NPSR1: variants seen among roughly 807,000 people sequenced by gnomAD.
NPSR1 encodes neuropeptide S receptor.
Under a neutral mutation model 46.9 loss-of-function variants are expected in NPSR1, and 48 were observed. The observed-to-expected ratio is 1.02, with a 90% confidence interval of 0.81 to 1.30. NPSR1 has a LOEUF of 1.30. NPSR1 is among the 50% of genes most tolerant of loss of function. NPSR1 has a pLI of 0.00. For synonymous variants in NPSR1, 176 were observed against 168.1 expected, an observed-to-expected ratio of 1.05 and a Z score of -0.36; for missense variants, 450 against 449.5, an observed-to-expected ratio of 1.00 and a Z score of -0.01.
intron 2 of NPSR1, among the ~76,000 whole-genome samples, chr7:34,777,721 A>T (rs973485915): frequency 1.3e-5 from 2 of 152,106 alleles, no homozygotes; most frequent in African/African-American, 2.4e-5. Context: ...GTGATAAATT[A>T]GTGATGTCTG....
intron 1 of NPSR1, among the ~76,000 whole-genome samples, chr7:34,669,136 A>G (rs1013670023): frequency 6.6e-6 from 1 of 152,252 alleles, no homozygotes; most frequent in Non-Finnish European, 1.5e-5. Flanking sequence ...AAGTTGTTCC[A>G]CAGAACTCTA....
chr7:34,735,868 T>C (rs1405978266), intron 2 of NPSR1, among the ~76,000 whole-genome samples: 8 of 152,164 alleles, frequency 5.3e-5, no homozygotes, highest in Non-Finnish European at 1.2e-4. Flanking sequence ...TAATATTATG[T>C]TCCATTAAAA....
chr7:34,755,966 T>G (rs1217537814), intron 2 of NPSR1, among the ~76,000 whole-genome samples: 1 of 152,190 alleles, frequency 6.6e-6, no homozygotes, highest in Admixed American at 6.5e-5. Flanking sequence ...GTTAAATAAC[T>G]TGTGCAAAAC....
downstream of NPSR1, among the ~76,000 whole-genome samples, chr7:34,854,167 C>T (rs6462581): frequency 0.27 from 40,629 of 151,854 alleles, 5,779 homozygotes; most frequent in Middle Eastern, 0.34. Context: ...CAAAAACATA[C>T]ATCTTTCAGA....
intron 2 of NPSR1, among the ~76,000 whole-genome samples, chr7:34,742,137 C>G (rs1211296417): frequency 6.6e-6 from 1 of 151,270 alleles, no homozygotes; most frequent in Admixed American, 6.6e-5. Context: ...CATCATCTCA[C>G]AAATTATAAT....
chr7:34,781,235 T>C (rs565814295), intron 3 of NPSR1, among the ~76,000 whole-genome samples: 28 of 152,124 alleles, frequency 1.8e-4, no homozygotes, highest in Non-Finnish European at 3.7e-4. Flanking sequence ...CTGCAATGAA[T>C]GGGGGAATTA....
intron 2 of NPSR1, chr7:34,750,328 TA>T: frequency 1.4e-6 from 1 of 710,790 alleles, no homozygotes. Context: ...TCATCTAGGC[TA>T]AAAAATCTTC....
At chr7:34,731,115 T>G (rs1344040320) in intron 2 of NPSR1, among the ~76,000 whole-genome samples, 3 of 152,200 alleles carry the variant, frequency 2.0e-5, no homozygotes, top group African/African-American at 7.2e-5. Context: ...AAATTTAAAT[T>G]GTAAAGATTT....
intron 1 of NPSR1, among the ~76,000 whole-genome samples, chr7:34,668,206 C>A (rs993548979): frequency 1.3e-5 from 2 of 152,122 alleles, no homozygotes; most frequent in African/African-American, 4.8e-5. Context: ...ACACAAGGAG[C>A]ATTATTCACA....
chr7:34,765,696 T>A (rs1786394962), intron 2 of NPSR1, among the ~76,000 whole-genome samples: 2 of 152,150 alleles, frequency 1.3e-5, no homozygotes, highest in South Asian at 4.1e-4. Context: ...ATGGATTGGA[T>A]TAAAAAATGG....
chr7:34,788,971 T>C lies in NPSR1; in HGVS notation c.384+10406T>C, dbSNP rs189430492. ...AATTATTTTTTCAAAAACAATGACA[T>C]GAAACTAGTAATCAATAATATAAGG... On this transcript the variant is annotated intron_variant, in intron 3 of 8. Transcript: ENST00000360581. Among the ~76,000 whole-genome samples, 600 of 151,940 alleles carry C rather than the reference T, an allele frequency of 3.9e-3. 3 individuals carry two copies. The highest frequency in any genetic ancestry group is 6.8e-3 in the Middle Eastern group (2 of 294).
At chr7:34,707,922 C>G (rs1441311389) in intron 2 of NPSR1, among the ~76,000 whole-genome samples, 1 of 152,132 alleles carries the variant, frequency 6.6e-6, no homozygotes, top group East Asian at 1.9e-4. Context: ...ATTTTGAGGC[C>G]TTTCTCATTG....
At chr7:34,682,143 G>A (rs1792672075) in intron 1 of NPSR1, among the ~76,000 whole-genome samples, 1 of 152,188 alleles carries the variant, frequency 6.6e-6, no homozygotes. Flanking sequence ...CTGGAAAATT[G>A]GGGTGCTTCC....
At chr7:34,786,597 A>G (rs1787477349) in intron 3 of NPSR1, among the ~76,000 whole-genome samples, 1 of 152,160 alleles carries the variant, frequency 6.6e-6, no homozygotes, top group Admixed American at 6.6e-5. Context: ...AGGAATTACT[A>G]TCTATGGCAG....
At position 34,736,922 on chromosome 7, in the gene NPSR1, A is replaced by G. The variant is rs1268990926; in HGVS notation, c.281-41540A>G. On this transcript the variant is annotated intron_variant, in intron 2 of 8. Coordinates refer to ENST00000360581, the MANE Select transcript of NPSR1 (RefSeq NM_207172.2). ...AAAAATTATCATTAGAATTTTTTAA[A>G]TATTCGCAATTTTCACAGGATAAGA... 2.6e-5 allele frequency among the ~76,000 whole-genome samples: 4 copies of G among 152,296 alleles called. No individual in the cohort carries two copies. In the East Asian group the frequency reaches 7.7e-4, roughly 29 times the overall value.
intron 3 of NPSR1, among the ~76,000 whole-genome samples, chr7:34,789,288 TA>T (rs1787609918): frequency 1.3e-5 from 2 of 151,200 alleles, no homozygotes; most frequent in African/African-American, 4.9e-5. Context: ...GGAGAAATAA[TA>T]AAAATTAGAG....
In NPSR1 at chr7:34,721,411, G is replaced by A. The variant is rs1354008387; in HGVS notation, c.280+36727G>A. On this transcript the variant is annotated intron_variant, in intron 2 of 8. Transcript: ENST00000360581. Reference sequence around the variant, plus strand: ...CTGAGCTTAATAAAAGACGGAGGAGGAGTCTTGTGTGAACAAATTCCCAGG... The same window carrying A: ...CTGAGCTTAATAAAAGACGGAGGAGAAGTCTTGTGTGAACAAATTCCCAGG... 2.6e-5 allele frequency among the ~76,000 whole-genome samples: 4 copies of A among 152,166 alleles called. No individual in the cohort carries two copies. In the East Asian group the frequency reaches 7.7e-4, roughly 29 times the overall value.
At chr7:34,776,077 T>G (rs780460765) in intron 2 of NPSR1, among the ~76,000 whole-genome samples, 1 of 152,176 alleles carries the variant, frequency 6.6e-6, no homozygotes, top group Non-Finnish European at 1.5e-5. Context: ...TTTATTCCAT[T>G]ATGGTCAGAG....
intron 2 of NPSR1, among the ~76,000 whole-genome samples, chr7:34,746,352 A>G (rs776636727): frequency 5.3e-5 from 8 of 152,246 alleles, no homozygotes; most frequent in Non-Finnish European, 7.3e-5. Context: ...CCATATTCAC[A>G]TAACTTTTAT....
Sources: gnomAD v4.1 joint callset for allele counts (sites outside exome capture counted in the v4.1 genomes callset) on GRCh38, gnomAD v4.1.1 for gene constraint, MANE v1.5 for transcripts, NCBI Gene and HGNC (gene_info 2026-07-23, HGNC 2026-07-21) for gene names.